JARID2: variants seen among roughly 807,000 people sequenced by gnomAD.
The protein encoded by JARID2 is jumonji and AT-rich interaction domain containing 2.
A neutral mutation model predicts 125.6 loss-of-function variants in JARID2; 21 were observed. The observed-to-expected ratio is 0.17, with a 90% confidence interval of 0.12 to 0.24. The LOEUF is 0.24. Ranked by LOEUF, JARID2 falls within the 10% of genes least tolerant of loss-of-function variation. JARID2 has a pLI of 1.00. For synonymous variants in JARID2, 736 were observed against 661.6 expected (o/e 1.11, Z -1.73); for missense variants, 1,303 against 1,639.6 (o/e 0.79, Z 3.55).
chr6:15,326,233 G>A (rs1476049162), intron 1 of JARID2, among the ~76,000 whole-genome samples: 2 of 152,020 alleles, frequency 1.3e-5, no homozygotes, highest in Admixed American at 1.3e-4. Context: ...TTTGGGGGGT[G>A]GAAGGTGGAG....
chr6:15,324,103 G>C (rs557432649), intron 1 of JARID2, among the ~76,000 whole-genome samples: 3 of 151,500 alleles, frequency 2.0e-5, no homozygotes, highest in South Asian at 2.1e-4. Context: ...GGCATGAACC[G>C]GGGAGGCAGA....
At chr6:15,479,159 C>T (rs551641547) in intron 5 of JARID2, among the ~76,000 whole-genome samples, 47 of 152,296 alleles carry the variant, frequency 3.1e-4, no homozygotes, top group African/African-American at 1.1e-3. Context: ...GCTGTTCCTC[C>T]CTTACCATTA....
chr6:15,288,904 A>C (rs1761100203), intron 1 of JARID2, among the ~76,000 whole-genome samples: 1 of 152,222 alleles, frequency 6.6e-6, no homozygotes, highest in Non-Finnish European at 1.5e-5. Flanking sequence ...AGCAGCTAGT[A>C]AGCTCTGGTA....
At chr6:15,366,518 C>CGGG (rs1367437795) in intron 1 of JARID2, among the ~76,000 whole-genome samples, 16 of 14,424 alleles carry the variant, frequency 1.1e-3, no homozygotes, top group Admixed American at 3.3e-3. Flanking sequence ...GCGGGGGGGG[C>CGGG]GGGGGGGGTG....
intron 2 of JARID2, among the ~76,000 whole-genome samples, chr6:15,394,004 G>C (rs969029845): frequency 6.6e-6 from 1 of 151,980 alleles, no homozygotes; most frequent in South Asian, 2.1e-4. Context: ...TTCAGTGCTC[G>C]TGAAATTATA....
At chr6:15,289,059 A>G (rs1359025985) in intron 1 of JARID2, among the ~76,000 whole-genome samples, 1 of 152,100 alleles carries the variant, frequency 6.6e-6, no homozygotes, top group East Asian at 1.9e-4. Flanking sequence ...GCACAGACAA[A>G]TGAATGATCT....
chr6:15,345,829 TGAGCCTTG>T (rs1184837099), intron 1 of JARID2, among the ~76,000 whole-genome samples: 1 of 152,228 alleles, frequency 6.6e-6, no homozygotes, highest in Non-Finnish European at 1.5e-5. Flanking sequence ...ACTGGGTCAT[TGAGCCTTG>T]GGTGGACCAG....
intron 1 of JARID2, among the ~76,000 whole-genome samples, chr6:15,275,542 C>CCCT (rs948745896): frequency 9.3e-6 from 1 of 107,326 alleles, no homozygotes; most frequent in Non-Finnish European, 2.0e-5. Context: ...CGCCCCCCCC[C>CCCT]CCGTCTTTTG....
intron 1 of JARID2, among the ~76,000 whole-genome samples, chr6:15,278,915 A>G (rs1760645477): frequency 6.6e-6 from 1 of 152,120 alleles, no homozygotes; most frequent in African/African-American, 2.4e-5. Context: ...CTAAAAATAC[A>G]AAAATTAGCT....
chr6:15,465,577 C>T (rs1296429590), intron 4 of JARID2, among the ~76,000 whole-genome samples: 1 of 152,198 alleles, frequency 6.6e-6, no homozygotes, highest in African/African-American at 2.4e-5. Flanking sequence ...ACTCAATCCT[C>T]ACCCTTTCTC....
At chr6:15,375,344 C>T (rs1183840507) in intron 2 of JARID2, among the ~76,000 whole-genome samples, 3 of 152,210 alleles carry the variant, frequency 2.0e-5, no homozygotes, top group Non-Finnish European at 2.9e-5. Context: ...AGCCTCTGTC[C>T]ACCCTCCCGG....
chr6:15,513,659 C>A (rs776702458), intron 16 of JARID2, among the ~76,000 whole-genome samples: 12 of 152,220 alleles, frequency 7.9e-5, no homozygotes, highest in Admixed American at 7.8e-4. Context: ...GGCCCTCCCT[C>A]GGTCCTGCAG....
intron 3 of JARID2, among the ~76,000 whole-genome samples, chr6:15,420,399 T>TTA (rs1554134765): frequency 1.4e-4 from 20 of 143,452 alleles, no homozygotes; most frequent in Middle Eastern, 3.5e-3. Flanking sequence ...CAAGACTCCA[T>TTA]AAAAAAAAAA....
chr6:15,354,152 C>T (rs1247823717), intron 1 of JARID2, among the ~76,000 whole-genome samples: 1 of 152,114 alleles, frequency 6.6e-6, no homozygotes. Flanking sequence ...TAATCACAAG[C>T]GTCCTTATTA....
intron 1 of JARID2, among the ~76,000 whole-genome samples, chr6:15,284,023 A>G (rs1272941414): frequency 6.6e-6 from 1 of 152,058 alleles, no homozygotes; most frequent in East Asian, 1.9e-4. Flanking sequence ...AAGTATGTTT[A>G]TAGTGTTTTT....
At chr6:15,331,620 C>T (rs1444388991) in intron 1 of JARID2, among the ~76,000 whole-genome samples, 1 of 151,954 alleles carries the variant, frequency 6.6e-6, no homozygotes, top group Non-Finnish European at 1.5e-5. Context: ...AATCCCAGCA[C>T]TTTGGGAGGC....
chr6:15,452,874 G>A (rs193076751), intron 4 of JARID2, among the ~76,000 whole-genome samples: 7 of 152,328 alleles, frequency 4.6e-5, no homozygotes, highest in Non-Finnish European at 7.3e-5. Flanking sequence ...AGAAAATTTA[G>A]GAAGTCCTGA....
intron 1 of JARID2, among the ~76,000 whole-genome samples, chr6:15,302,134 G>A (rs919805258): frequency 1.3e-5 from 2 of 152,172 alleles, no homozygotes; most frequent in South Asian, 2.1e-4. Flanking sequence ...GTAATGAAGA[G>A]GCCGGGTGCA....
rs575284445 is a variant in JARID2, at chr6:15,284,666, T to C, written c.45+38082T>C. ...CACGCTTGGCTAATTTTTGTATTTT[T>C]AGTAGAGACGGGGTTTTACCATATT... On this transcript the variant is annotated intron_variant, in intron 1 of 17. Coordinates refer to ENST00000341776, the MANE Select transcript of JARID2 (RefSeq NM_004973.4). 3.9e-5 allele frequency among the ~76,000 whole-genome samples: 6 copies of C among 152,170 alleles called. No individual in the cohort carries two copies. In the South Asian group the frequency reaches 1.2e-3, roughly 32 times the overall value.
Sources: allele counts gnomAD v4.1 joint callset (sites outside exome capture counted in the v4.1 genomes callset), GRCh38; gene constraint gnomAD v4.1.1; transcripts MANE v1.5; gene names NCBI Gene and HGNC (gene_info 2026-07-23, HGNC 2026-07-21).